Variants in LMBR1 observed in about 807,000 individuals in gnomAD.
LMBR1 encodes limb development membrane protein 1, also known as limb region 1 protein homolog.
Under a neutral mutation model 73.9 loss-of-function variants are expected in LMBR1, and 52 were observed. That is an observed-to-expected ratio of 0.70 (90% CI 0.56 to 0.89). The LOEUF (loss-of-function observed/expected upper bound fraction) is 0.89, where lower values mean the gene tolerates loss of function less well. LMBR1 is among the 40% of genes least tolerant of loss of function. The pLI, the probability that LMBR1 is intolerant of heterozygous loss-of-function variation, is 0.00. For missense variants in LMBR1, 539 were observed against 579.8 expected (o/e 0.93, Z 0.72); for synonymous variants, 215 against 209.4 (o/e 1.03, Z -0.23).
intron 5 of LMBR1, among the ~76,000 whole-genome samples, chr7:156,770,171 A>G (rs1824915112): frequency 6.6e-6 from 1 of 152,250 alleles, no homozygotes; most frequent in Non-Finnish European, 1.5e-5. Context: ...ATTTGAAATT[A>G]AACTACAAAA....
chr7:156,675,702 GA>G (rs745367653), downstream of LMBR1: 105 of 1,577,090 alleles, frequency 6.7e-5, no homozygotes, highest in Middle Eastern at 5.0e-4. Context: ...TCAGTTCACA[GA>G]AATCAGCCAC....
At chr7:156,798,981 C>G (rs1830491281) in intron 4 of LMBR1, among the ~76,000 whole-genome samples, 2 of 150,572 alleles carry the variant, frequency 1.3e-5, no homozygotes, top group Non-Finnish European at 2.9e-5. Context: ...ATTACGAGGT[C>G]AGGAGTTCGA....
In LMBR1 at chr7:156,727,971, A is replaced by G. The variant is rs772082498; in HGVS notation, c.952T>C (p.Cys318Arg). 6.2e-7 allele frequency: 1 copy of G among 1,613,610 alleles called. No homozygotes were observed. Among genetic ancestry groups the G allele is most frequent in the Admixed American group, 1.7e-5 (1 of 60,004 alleles). The change falls in exon 12 of 17, where the codon TGC becomes CGC. Residue 318 changes from cysteine to arginine, a missense_variant. Physicochemically the swap from Cys to Arg is radical, Grantham distance 180. This residue lies in a region of LMBR1 where 454 missense variants were observed against 473.4 expected (regional missense o/e 0.96). Coordinates refer to ENST00000353442, the MANE Select transcript of LMBR1 (RefSeq NM_022458.4). ...ATTGCTGTTTCATCAACCAATAGGC[A>G]AAGAATATTACAAGCCACCAAGAGG... is the stretch of plus-strand genomic sequence containing the variant. The part of the protein sequence containing the change: ...SVLLVACNIL[C>R]LLVDETAMPK...
At chr7:156,690,249 T>TACA (rs1806892823) in intron 15 of LMBR1, among the ~76,000 whole-genome samples, 1 of 152,214 alleles carries the variant, frequency 6.6e-6, no homozygotes, top group Admixed American at 6.5e-5. Flanking sequence ...TACTATTCAA[T>TACA]GACATATACA....
At chr7:156,879,771 T>G (rs1219959377) in intron 1 of LMBR1, among the ~76,000 whole-genome samples, 2 of 151,218 alleles carry the variant, frequency 1.3e-5, no homozygotes, top group Non-Finnish European at 2.9e-5. Context: ...TTACTAATGA[T>G]CAGGGAAAAG....
chr7:156,727,530 G>A (rs11773311), intron 12 of LMBR1, among the ~76,000 whole-genome samples: 5,325 of 152,220 alleles, frequency 0.035, 140 homozygotes, highest in Non-Finnish European at 0.045. Flanking sequence ...ATGATGGTGG[G>A]CTTGTACTCA....
At chr7:156,673,334 C>A (rs1803004058), downstream of LMBR1, among the ~76,000 whole-genome samples, 1 of 152,158 alleles carries the variant, frequency 6.6e-6, no homozygotes, top group Non-Finnish European at 1.5e-5. Flanking sequence ...TTGGAGGTAA[C>A]TGTGTATATT....
At chr7:156,887,553 T>C (rs1425267183) in intron 1 of LMBR1, among the ~76,000 whole-genome samples, 1 of 149,860 alleles carries the variant, frequency 6.7e-6, no homozygotes, top group Non-Finnish European at 1.5e-5. Context: ...GAGCTAAAAC[T>C]ATACAACTCT....
At chr7:156,763,360 AG>A (rs1230189600) in intron 6 of LMBR1, among the ~76,000 whole-genome samples, 184 bp from the exon 7 acceptor site, 1 of 152,038 alleles carries the variant, frequency 6.6e-6, no homozygotes, top group Non-Finnish European at 1.5e-5. Context: ...TAGAAAACCA[AG>A]AAGTAACCCT....
At chr7:156,868,614 G>A (rs1176952469) in intron 1 of LMBR1, among the ~76,000 whole-genome samples, 2 of 151,920 alleles carry the variant, frequency 1.3e-5, no homozygotes, top group Non-Finnish European at 2.9e-5. Context: ...AGTGAGCCTA[G>A]ATGGTGCCAC....
intron 1 of LMBR1, among the ~76,000 whole-genome samples, chr7:156,848,930 C>CAA (rs4019953): frequency 0.12 from 13,535 of 111,390 alleles, 948 homozygotes; most frequent in East Asian, 0.32. Flanking sequence ...GACTCTGTCT[C>CAA]AAAAAAAAAA....
chr7:156,827,315 A>C (rs1586068263), intron 3 of LMBR1, among the ~76,000 whole-genome samples: 2 of 152,180 alleles, frequency 1.3e-5, no homozygotes, highest in African/African-American at 2.4e-5. Flanking sequence ...TATTTAAAAC[A>C]CTACTTTGTC....
intron 1 of LMBR1, among the ~76,000 whole-genome samples, chr7:156,874,432 A>G (rs539625548): frequency 2.6e-5 from 4 of 152,158 alleles, no homozygotes; most frequent in Non-Finnish European, 5.9e-5. Context: ...GCCTCGGCCC[A>G]CCCAGAAAGG....
intron 1 of LMBR1, among the ~76,000 whole-genome samples, chr7:156,868,085 C>A (rs1281800697): frequency 6.6e-6 from 1 of 151,402 alleles, no homozygotes; most frequent in Non-Finnish European, 1.5e-5. Context: ...GTGATTAATG[C>A]AATTCTGTGC....
intron 16 of LMBR1, among the ~76,000 whole-genome samples, chr7:156,684,477 C>T (rs998841483): frequency 6.6e-6 from 1 of 152,132 alleles, no homozygotes; most frequent in African/African-American, 2.4e-5. Context: ...ACAACATCCC[C>T]GAGGGCCAGC....
chr7:156,893,053 G>A lies in LMBR1; in HGVS notation c.-60C>T, dbSNP rs1429579625. On this transcript the variant is annotated 5_prime_UTR_variant, in exon 1 of 17. Transcript: ENST00000353442. Reference sequence around the variant, plus strand: ...CGCGTGCTCCGCCACACCATCGTCCGCCCGCCGCAGGGGCTCGGACAGCCG... The same window carrying A: ...CGCGTGCTCCGCCACACCATCGTCCACCCGCCGCAGGGGCTCGGACAGCCG... 1.8e-5 allele frequency: 25 copies of A among 1,397,010 alleles called. No individual in the cohort carries two copies. Among genetic ancestry groups the A allele is most frequent in the Non-Finnish European group, 2.0e-5 (21 of 1,076,306 alleles). The allele number at this position is 1,397,010 out of a possible 1,614,324, so 86.5% of individuals were successfully genotyped here. A position where few individuals can be genotyped will look rare whatever the true frequency, so the allele number is the denominator to read the frequency against.
intron 4 of LMBR1, among the ~76,000 whole-genome samples, chr7:156,810,253 GCT>G (rs958446480): frequency 3.3e-5 from 5 of 152,034 alleles, no homozygotes; most frequent in African/African-American, 1.2e-4. Context: ...GTTGTGCCAG[GCT>G]CTTTTTAACA....
intron 4 of LMBR1, among the ~76,000 whole-genome samples, chr7:156,824,093 AAACAACAACAACAAC>A (rs71522057): frequency 2.7e-5 from 4 of 150,204 alleles, no homozygotes; most frequent in African/African-American, 9.8e-5. Context: ...CCATCTCAAA[AAACAACAACAACAAC>A]AACAACAACA....
intron 15 of LMBR1, among the ~76,000 whole-genome samples, chr7:156,702,796 A>C (rs879064261): frequency 6.6e-6 from 1 of 152,264 alleles, no homozygotes; most frequent in Non-Finnish European, 1.5e-5. Context: ...TCCACACAAA[A>C]ACTTGCACAT....
Sources: allele counts gnomAD v4.1 joint callset (sites outside exome capture counted in the v4.1 genomes callset), GRCh38; gene constraint gnomAD v4.1.1; regional missense constraint gnomAD v4.1.1; transcripts MANE v1.5; gene names NCBI Gene and HGNC (gene_info 2026-07-23, HGNC 2026-07-21).